Variants in CPE observed in about 807,000 individuals in gnomAD.
CPE encodes the protein carboxypeptidase E.
In CPE, 17 loss-of-function variants were observed where a neutral mutation model predicts 53.5. The observed-to-expected ratio is 0.32, with a 90% CI of 0.22 to 0.48. CPE has a LOEUF of 0.48. Among genes scored for constraint, CPE ranks in the 20% least tolerant of loss-of-function variants. The probability of loss-of-function intolerance (pLI) is 0.99; values close to 1 mark genes in which losing one functional copy is unlikely to be tolerated. For missense variants in CPE, 524 were observed against 614.7 expected, an observed-to-expected ratio of 0.85 and a Z score of 1.56; for synonymous variants, 226 against 228.8, an observed-to-expected ratio of 0.99 and a Z score of 0.11.
At chr4:165,455,818 A>G (rs1434596533) in intron 1 of CPE, among the ~76,000 whole-genome samples, 1 of 151,974 alleles carries the variant, frequency 6.6e-6, no homozygotes, top group Non-Finnish European at 1.5e-5. Context: ...ACATCTAGCT[A>G]ATTTTTGTAT....
At position 165,464,726 on chromosome 4, in the gene CPE, C is replaced by A. The variant is rs183053023; in HGVS notation, c.504+140C>A. On this transcript the variant is annotated intron_variant, in intron 2 of 8. Coordinates refer to ENST00000402744, the MANE Select transcript of CPE (RefSeq NM_001873.4). ...GGGCATAAGTGATGCATTCATTATT[C>A]AACTCACCAGTAAGAAAATAGTTTA... The A allele has an allele frequency of 3.7e-5, 23 of 620,482 alleles. No individual in the cohort carries two copies. The African/African-American group carries it at 4.1e-4, about 11-fold the overall frequency. 38.4% of individuals were successfully genotyped at this position (620,482 alleles called of 1,614,324 possible). A position where few individuals can be genotyped will look rare whatever the true frequency, so the allele number is the denominator to read the frequency against.
intron 1 of CPE, among the ~76,000 whole-genome samples, chr4:165,443,585 T>C (rs985253193): frequency 3.9e-5 from 6 of 152,200 alleles, no homozygotes; most frequent in Non-Finnish European, 8.8e-5. Context: ...GCCCTTTCTG[T>C]GTATCTGCAT....
At position 165,400,561 on chromosome 4, in the gene CPE, C is replaced by T. The variant is rs749016191; in HGVS notation, c.307+21033C>T. Among the ~76,000 whole-genome samples, 123 of 152,160 alleles carry T rather than the reference C, an allele frequency of 8.1e-4. 2 individuals are homozygous for T. Among genetic ancestry groups the T allele is most frequent in the Admixed American group, 5.2e-3 (80 of 15,288 alleles). ...CTCACTCCCAGCACTGGTTGGAAGT[C>T]GCTGGGGACATTTGGGGAAGTAGTT... is the stretch of plus-strand genomic sequence containing the variant. On this transcript the variant is annotated intron_variant, in intron 1 of 8. Coordinates refer to ENST00000402744, the MANE Select transcript of CPE (RefSeq NM_001873.4).
intron 1 of CPE, among the ~76,000 whole-genome samples, chr4:165,421,371 G>C (rs1403640445): frequency 6.6e-6 from 1 of 152,202 alleles, no homozygotes; most frequent in African/African-American, 2.4e-5. Context: ...CCAAATCTTA[G>C]TTGGTATCTC....
chr4:165,470,194 G>T (rs1171276457), intron 3 of CPE, among the ~76,000 whole-genome samples: 2 of 152,188 alleles, frequency 1.3e-5, no homozygotes, highest in Non-Finnish European at 2.9e-5. Flanking sequence ...AGTACACTTG[G>T]AAGAGGGCCA....
At chr4:165,421,817 TA>T (rs1230085936) in intron 1 of CPE, among the ~76,000 whole-genome samples, 2 of 152,370 alleles carry the variant, frequency 1.3e-5, no homozygotes, top group Non-Finnish European at 2.9e-5. Context: ...CATTTTTAAC[TA>T]ATGTTAATGG....
At chr4:165,452,053 G>T (rs1416730967) in intron 1 of CPE, among the ~76,000 whole-genome samples, 1 of 151,858 alleles carries the variant, frequency 6.6e-6, no homozygotes, top group East Asian at 1.9e-4. Flanking sequence ...AGCCTGTGTA[G>T]GCCCAGAGAG....
chr4:165,388,145 T>G, intron 1 of CPE, among the ~76,000 whole-genome samples: 1 of 152,182 alleles, frequency 6.6e-6, no homozygotes, highest in Admixed American at 6.5e-5. Flanking sequence ...TTGTGTAATG[T>G]TTTCTCCAAG....
At chr4:165,455,378 T>C (rs1002246929) in intron 1 of CPE, among the ~76,000 whole-genome samples, 1 of 152,212 alleles carries the variant, frequency 6.6e-6, no homozygotes, top group Non-Finnish European at 1.5e-5. Flanking sequence ...AAGAGAGTTA[T>C]CTAAGATAAC....
At chr4:165,441,756 A>G (rs1263523893) in intron 1 of CPE, among the ~76,000 whole-genome samples, 2 of 152,322 alleles carry the variant, frequency 1.3e-5, no homozygotes, top group Middle Eastern at 3.4e-3. Context: ...TATTTTGACC[A>G]AATGAAAATG....
At chr4:165,404,062 T>G (rs2126663184) in intron 1 of CPE, 1 of 961,208 alleles carries the variant, frequency 1.0e-6, no homozygotes, top group East Asian at 2.5e-5. Context: ...GCATGAGGCC[T>G]GCTCACTGAT....
At chr4:165,420,275 GT>G (rs1414159957) in intron 1 of CPE, among the ~76,000 whole-genome samples, 1 of 152,054 alleles carries the variant, frequency 6.6e-6, no homozygotes, top group East Asian at 1.9e-4. Context: ...AAAAGTGAAT[GT>G]TTTATAACTT....
At chr4:165,440,449 A>ACCCCCC (rs1271387132) in intron 1 of CPE, among the ~76,000 whole-genome samples, 3 of 132,826 alleles carry the variant, frequency 2.3e-5, no homozygotes, top group African/African-American at 1.0e-4. Context: ...TGCTCTCACA[A>ACCCCCC]CCCCACCCCC....
Position 165,497,514 on chromosome 4 carries a change from T to G in CPE, c.1335T>G (p.Val445=). 1 of 1,539,660 alleles carries G rather than the reference T, an allele frequency of 6.5e-7. No homozygotes were observed. The highest frequency in any genetic ancestry group is 8.7e-7 in the Non-Finnish European group (1 of 1,144,646). Residue 445 remains valine, a splice_region_variant and synonymous_variant, in exon 9 of 9, where the codon GTT becomes GTG. Coordinates refer to ENST00000402744, the MANE Select transcript of CPE (RefSeq NM_001873.4). ...ATGTTCTTGATTTTCTCTTTTAGGT[T>G]GATTTTGAACTGGAGTCATTTTCTG... The part of the protein sequence containing the change: ...VAVPYSPAAG[V]DFELESFSER...
At chr4:165,385,693 C>G (rs1243670242) in intron 1 of CPE, among the ~76,000 whole-genome samples, 1 of 152,130 alleles carries the variant, frequency 6.6e-6, no homozygotes, top group African/African-American at 2.4e-5. Flanking sequence ...ATCAAGCAAG[C>G]TTGAATCAAG....
intron 1 of CPE, among the ~76,000 whole-genome samples, chr4:165,410,621 A>G (rs1249264413): frequency 6.6e-6 from 1 of 152,238 alleles, no homozygotes; most frequent in East Asian, 1.9e-4. Context: ...AAAGGTTACA[A>G]AGGGGAGGGG....
intron 1 of CPE, among the ~76,000 whole-genome samples, chr4:165,386,921 T>C (rs1410131074): frequency 6.6e-6 from 1 of 152,214 alleles, no homozygotes; most frequent in East Asian, 1.9e-4. Flanking sequence ...AATCGTGCAC[T>C]TTGAAATGCC....
chr4:165,432,378 C>T lies in CPE; in HGVS notation c.308-32012C>T, dbSNP rs567382574. Among the ~76,000 whole-genome samples the T allele has an allele frequency of 1.3e-4, 20 of 152,290 alleles. No individual in the cohort carries two copies. In the South Asian group the frequency reaches 2.1e-3, roughly 16 times the overall value. On this transcript the variant is annotated intron_variant, in intron 1 of 8. Coordinates refer to ENST00000402744, the MANE Select transcript of CPE (RefSeq NM_001873.4). ...TGGCACAATCTCAGCTCACCGTAGC[C>T]TCCACCTCCCAGGCTCAAATAATCC...
intron 1 of CPE, among the ~76,000 whole-genome samples, chr4:165,416,166 G>C (rs955314330): frequency 1.3e-5 from 2 of 152,330 alleles, no homozygotes; most frequent in Non-Finnish European, 2.9e-5. Context: ...TTGCTCTGAA[G>C]TAAGGTGTAG....
Sources: gnomAD v4.1 joint callset for allele counts (sites outside exome capture counted in the v4.1 genomes callset) on GRCh38, gnomAD v4.1.1 for gene constraint, MANE v1.5 for transcripts, NCBI Gene and HGNC (gene_info 2026-07-23, HGNC 2026-07-21) for gene names.